Variants in CTNNA2 observed in about 807,000 individuals in gnomAD.
CTNNA2 encodes catenin alpha-2.
A neutral mutation model predicts 101.0 loss-of-function variants in CTNNA2; 42 were observed. That is an observed-to-expected ratio of 0.42 (90% CI 0.32 to 0.54). The LOEUF (loss-of-function observed/expected upper bound fraction) is 0.54. CTNNA2 is among the 20% of genes least tolerant of loss of function. The pLI is 0.14. For missense variants in CTNNA2, 871 were observed against 1,223.1 expected (o/e 0.71, Z 4.29); for synonymous variants, 450 against 456.4 (o/e 0.99, Z 0.18).
At chr2:80,048,744 A>G (rs947207211) in intron 7 of CTNNA2, among the ~76,000 whole-genome samples, 4 of 152,166 alleles carry the variant, frequency 2.6e-5, no homozygotes, top group Non-Finnish European at 5.9e-5. Flanking sequence ...GCAGGAGGGA[A>G]CCATTAGTTC....
intron 7 of CTNNA2, among the ~76,000 whole-genome samples, chr2:79,980,382 G>A (rs572397549): frequency 3.9e-5 from 6 of 152,098 alleles, no homozygotes; most frequent in Admixed American, 3.3e-4. Context: ...AAAGAAACAG[G>A]GCTATGACAT....
intron 7 of CTNNA2, among the ~76,000 whole-genome samples, chr2:80,105,314 C>A (rs1308995073): frequency 1.3e-5 from 2 of 152,154 alleles, no homozygotes; most frequent in Non-Finnish European, 2.9e-5. Flanking sequence ...GAAAATCTAA[C>A]AAGAAATGCT....
chr2:80,570,949 G>A (rs926485717), intron 12 of CTNNA2, among the ~76,000 whole-genome samples: 9 of 152,008 alleles, frequency 5.9e-5, no homozygotes, highest in African/African-American at 2.2e-4. Context: ...CATCCCCTAT[G>A]AAGTCCATTT....
intron 7 of CTNNA2, among the ~76,000 whole-genome samples, chr2:80,033,164 A>G (rs1170043994): frequency 6.6e-6 from 1 of 151,414 alleles, no homozygotes; most frequent in Non-Finnish European, 1.5e-5. Context: ...AAAAAAAAAA[A>G]AACAAACACA....
chr2:79,373,622 G>A (rs1488816897), intron 3 of CTNNA2, among the ~76,000 whole-genome samples: 1 of 151,284 alleles, frequency 6.6e-6, no homozygotes, highest in Non-Finnish European at 1.5e-5. Flanking sequence ...CCTGGATGGA[G>A]GGAGAGGAGG....
intron 4 of CTNNA2, among the ~76,000 whole-genome samples, chr2:79,452,846 T>G (rs1364287245): frequency 6.6e-6 from 1 of 152,104 alleles, no homozygotes; most frequent in African/African-American, 2.4e-5. Context: ...CCATTATAAC[T>G]TTTATTGATT....
chr2:80,392,632 TC>T (rs529097523), intron 7 of CTNNA2, among the ~76,000 whole-genome samples: 7 of 152,140 alleles, frequency 4.6e-5, no homozygotes, highest in Non-Finnish European at 1.0e-4. Flanking sequence ...CCTCATGACC[TC>T]AAGCTGTGGG....
intron 7 of CTNNA2, among the ~76,000 whole-genome samples, chr2:80,001,101 A>G (rs1692915311): frequency 6.6e-6 from 1 of 152,196 alleles, no homozygotes; most frequent in South Asian, 2.1e-4. Context: ...CTTGATTTCC[A>G]TTTACACACA....
At chr2:79,213,473 G>C (rs552163003) in intron 2 of CTNNA2, among the ~76,000 whole-genome samples, 2 of 152,130 alleles carry the variant, frequency 1.3e-5, no homozygotes, top group African/African-American at 4.8e-5. Context: ...CAACTAGTTC[G>C]GCTTGCTGAG....
intron 1 of CTNNA2, among the ~76,000 whole-genome samples, chr2:79,194,286 T>A (rs766500269): frequency 2.0e-5 from 3 of 152,162 alleles, no homozygotes; most frequent in Non-Finnish European, 4.4e-5. Flanking sequence ...CATGTGAGTA[T>A]ACAGCAGGGT....
At chr2:79,820,819 C>A (rs1211206974) in intron 3 of CTNNA2, among the ~76,000 whole-genome samples, 1 of 152,010 alleles carries the variant, frequency 6.6e-6, no homozygotes, top group African/African-American at 2.4e-5. Context: ...GACATAGGAC[C>A]CCTAATTTCA....
At chr2:79,795,869 T>A (rs1397916765) in intron 3 of CTNNA2, among the ~76,000 whole-genome samples, 1 of 152,196 alleles carries the variant, frequency 6.6e-6, no homozygotes, top group East Asian at 1.9e-4. Context: ...TCTCTTCAAA[T>A]CTCCTTGTCC....
intron 7 of CTNNA2, among the ~76,000 whole-genome samples, chr2:80,093,150 C>A (rs1006367995): frequency 6.6e-6 from 1 of 151,996 alleles, no homozygotes; most frequent in African/African-American, 2.4e-5. Flanking sequence ...TGCTATCCCC[C>A]CTGCTCCCCC....
At position 79,425,848 on chromosome 2, in the gene CTNNA2, T is replaced by A. The variant is rs142188701; in HGVS notation, c.-135+51835T>A. Among the ~76,000 whole-genome samples the A allele has an allele frequency of 2.7e-3, 409 of 152,250 alleles. 3 individuals carry two copies. Among genetic ancestry groups the A allele is most frequent in the African/African-American group, 9.6e-3 (398 of 41,558 alleles). On this transcript the variant is annotated intron_variant, in intron 4 of 21. Transcript: ENST00000466387. Reference sequence around the variant, plus strand: ...GCTAAGAAAATAAAGAATAAAGATGTTTATCTTTTTTGATAGTCTTCATCA... The same window carrying A: ...GCTAAGAAAATAAAGAATAAAGATGATTATCTTTTTTGATAGTCTTCATCA...
intron 1 of CTNNA2, among the ~76,000 whole-genome samples, chr2:79,595,029 A>G (rs902173843): frequency 6.6e-6 from 1 of 152,028 alleles, no homozygotes; most frequent in African/African-American, 2.4e-5. Context: ...ATATTGATCA[A>G]GGAACCTAAT....
At chr2:80,038,259 G>C (rs1056086077) in intron 7 of CTNNA2, among the ~76,000 whole-genome samples, 1 of 152,152 alleles carries the variant, frequency 6.6e-6, no homozygotes, top group African/African-American at 2.4e-5. Context: ...CTTCATTGCA[G>C]TCTTCTTGTC....
At chr2:79,499,508 G>A (rs984019963) in intron 4 of CTNNA2, among the ~76,000 whole-genome samples, 21 of 152,026 alleles carry the variant, frequency 1.4e-4, no homozygotes, top group African/African-American at 4.6e-4. Context: ...ACTTCTCATC[G>A]CAATTATAAT....
intron 7 of CTNNA2, among the ~76,000 whole-genome samples, chr2:80,332,911 G>A (rs1473687141): frequency 6.6e-6 from 1 of 152,110 alleles, no homozygotes; most frequent in African/African-American, 2.4e-5. Context: ...ATGAGTTTAT[G>A]TTTTTAAATG....
chr2:79,564,885 T>G (rs1675011267), intron 1 of CTNNA2, among the ~76,000 whole-genome samples: 1 of 152,200 alleles, frequency 6.6e-6, no homozygotes, highest in Non-Finnish European at 1.5e-5. Flanking sequence ...TTCAGTCCTT[T>G]CATATATTTA....
Sources: allele counts gnomAD v4.1 joint callset (sites outside exome capture counted in the v4.1 genomes callset), GRCh38; gene constraint gnomAD v4.1.1; transcripts MANE v1.5; gene names NCBI Gene and HGNC (gene_info 2026-07-23, HGNC 2026-07-21).